The following ADRA1A variants were observed in gnomAD, a reference collection of about 807,000 sequenced individuals.
ADRA1A encodes alpha-1A adrenergic receptor.
ADRA1A carries 31 observed loss-of-function variants against 29.6 expected under a neutral mutation model. The ratio of observed to expected loss-of-function variants is 1.05; its 90% CI spans 0.79 to 1.41. ADRA1A has a LOEUF of 1.41. Ranked by LOEUF, ADRA1A falls within the 40% of genes most tolerant of loss-of-function variation. The pLI is 0.00. For synonymous variants in ADRA1A, 311 were observed against 254.3 expected (o/e 1.22, Z -2.12); for missense variants, 619 against 601.1 (o/e 1.03, Z -0.31).
intron 2 of ADRA1A, chr8:26,835,677 A>G (rs950892373): frequency 1.3e-5 from 2 of 152,172 alleles, no homozygotes; most frequent in Admixed American, 6.5e-5. Context: ...GGGAACTACA[A>G]TTCAAGGTGA....
At chr8:26,771,673 C>G (rs1295135275) in intron 2 of ADRA1A, 1 of 152,388 alleles carries the variant, frequency 6.6e-6, no homozygotes, top group Non-Finnish European at 1.5e-5. Flanking sequence ...TTAGCCTTTT[C>G]CCAGCTGCCG....
At chr8:26,861,219 T>A (rs1249606450) in intron 2 of ADRA1A, among the ~76,000 whole-genome samples, 2 of 152,088 alleles carry the variant, frequency 1.3e-5, no homozygotes, top group Admixed American at 1.3e-4. Flanking sequence ...ATTCTCCTGA[T>A]TTTTCTTCTC....
intron 2 of ADRA1A, among the ~76,000 whole-genome samples, chr8:26,785,272 T>A (rs1310394537): frequency 6.6e-6 from 1 of 152,236 alleles, no homozygotes; most frequent in African/African-American, 2.4e-5. Flanking sequence ...CTAGTCTATA[T>A]GTATTTCAAT....
At chr8:26,785,308 A>G (rs1807292629) in intron 2 of ADRA1A, among the ~76,000 whole-genome samples, 2 of 152,186 alleles carry the variant, frequency 1.3e-5, no homozygotes, top group Admixed American at 1.3e-4. Context: ...TCCATTTAGC[A>G]TTCATTACAC....
At chr8:26,822,019 T>C (rs1810207468) in intron 2 of ADRA1A, among the ~76,000 whole-genome samples, 1 of 152,220 alleles carries the variant, frequency 6.6e-6, no homozygotes, top group African/African-American at 2.4e-5. Context: ...GTTTCCAGTT[T>C]GGGGCTATTA....
At chr8:26,765,804 C>T, downstream of ADRA1A, 2 of 1,320,518 alleles carry the variant, frequency 1.5e-6, no homozygotes, top group East Asian at 3.1e-5. Context: ...CAGACCAGCC[C>T]CAGAAGCAAT....
At chr8:26,827,783 C>T (rs1314420343) in intron 2 of ADRA1A, among the ~76,000 whole-genome samples, 1 of 152,166 alleles carries the variant, frequency 6.6e-6, no homozygotes, top group Non-Finnish European at 1.5e-5. Flanking sequence ...CTTCCTAGTA[C>T]TATTACATTG....
At chr8:26,842,639 T>A (rs1031555382) in intron 2 of ADRA1A, among the ~76,000 whole-genome samples, 1 of 152,094 alleles carries the variant, frequency 6.6e-6, no homozygotes, top group African/African-American at 2.4e-5. Context: ...GCAGACCGGA[T>A]CTTATTCTAA....
intron 2 of ADRA1A, chr8:26,859,239 T>C: frequency 8.2e-7 from 1 of 1,216,114 alleles, no homozygotes; most frequent in Non-Finnish European, 1.1e-6. Flanking sequence ...ATATTTATTC[T>C]TCTGCTCACA....
intron 2 of ADRA1A, among the ~76,000 whole-genome samples, chr8:26,808,902 A>T (rs754994498): frequency 4.6e-5 from 7 of 152,238 alleles, no homozygotes; most frequent in Non-Finnish European, 8.8e-5. Context: ...GGTAGGAAAC[A>T]TCTCACAACT....
At chr8:26,748,211 T>C (rs1252083666) in exon 3 of ADRA1A, 2 of 152,274 alleles carry the variant, frequency 1.3e-5, no homozygotes, top group Non-Finnish European at 2.9e-5. Flanking sequence ...GAAGAATGTG[T>C]AGTCCAGTGG....
In ADRA1A at chr8:26,775,034, G is replaced by T. The variant is rs1394370685; in HGVS notation, c.884-4368C>A. The stretch of plus-strand genomic sequence containing the variant: ...GTCAGGGCTGAACCAGCCTGGTTCA[G>T]GGGTGGGTGCCTCTGACCCAGTCAC... On this transcript the variant is annotated intron_variant, in intron 2 of 2. Transcript: ENST00000380573. This position sits in a 1 kb window ranked among gnomAD's most constrained non-coding sequence, Gnocchi z 4.1. Among the ~76,000 whole-genome samples, 4 of 151,294 alleles carry T rather than the reference G, an allele frequency of 2.6e-5. No homozygotes were observed. Among genetic ancestry groups the T allele is most frequent in the Non-Finnish European group, 5.9e-5 (4 of 67,974 alleles).
Position 26,848,719 on chromosome 8 carries a change from G to T in ADRA1A, c.883+15368C>A, listed in dbSNP as rs1200506059. Among the ~76,000 whole-genome samples, 6 of 152,090 alleles carry T rather than the reference G, an allele frequency of 3.9e-5. No individual in the cohort carries two copies. The highest frequency in any genetic ancestry group is 1.4e-4 in the African/African-American group (6 of 41,414). On this transcript the variant is annotated intron_variant, in intron 2 of 2. Transcript: ENST00000380573. This position sits in a 1 kb window ranked among gnomAD's most constrained non-coding sequence, Gnocchi z 4.3. Reference sequence around the variant, plus strand: ...AATGGTTTCACTTCTTCTTTCCTAGGAAAAGAGTCATTAAACTCTACACGT... The same window carrying T: ...AATGGTTTCACTTCTTCTTTCCTAGTAAAAGAGTCATTAAACTCTACACGT...
rs867163153 is a variant in ADRA1A at position 26,860,262 on chromosome 8, A to C, written c.883+3825T>G. Among the ~76,000 whole-genome samples, 1 of 152,080 alleles carries C rather than the reference A, an allele frequency of 6.6e-6. No individual in the cohort carries two copies. The highest frequency in any genetic ancestry group is 2.4e-5 in the African/African-American group (1 of 41,400). ...AGGCCATTGTTTCTCATCTCTATGC[A>C]TAGCTCAGCCACCACTGCAAGCTCC... On this transcript the variant is annotated intron_variant, in intron 2 of 2. Coordinates refer to ENST00000380573, the MANE Select transcript of ADRA1A (RefSeq NM_000680.4). The surrounding 1 kb of genome is among the most constrained non-coding windows in gnomAD (Gnocchi z 4.7).
At chr8:26,859,750 C>T (rs1262190247) in intron 2 of ADRA1A, among the ~76,000 whole-genome samples, 2 of 151,468 alleles carry the variant, frequency 1.3e-5, no homozygotes, top group Non-Finnish European at 2.9e-5. Flanking sequence ...TTCCCTACTT[C>T]CCTCCTGTCA....
chr8:26,766,542 A>G (rs1442914803), downstream of ADRA1A, among the ~76,000 whole-genome samples: 2 of 152,202 alleles, frequency 1.3e-5, no homozygotes, highest in African/African-American at 2.4e-5. Context: ...CATGTTTGCC[A>G]TGGTTAATTT....
At chr8:26,861,602 C>A (rs1312362192) in intron 2 of ADRA1A, among the ~76,000 whole-genome samples, 1 of 152,126 alleles carries the variant, frequency 6.6e-6, no homozygotes, top group Non-Finnish European at 1.5e-5. Flanking sequence ...GTATAACTCC[C>A]TACTTGCCAT....
Position 26,864,522 on chromosome 8 carries a change from C to G in ADRA1A, c.448G>C (p.Val150Leu). The G allele has an allele frequency of 6.2e-7, 1 of 1,614,032 alleles. No individual in the cohort carries two copies. Among genetic ancestry groups the G allele is most frequent in the Non-Finnish European group, 8.5e-7 (1 of 1,180,030 alleles). The change falls in exon 2 of 3, where the codon GTC (valine) becomes CTC (leucine). Residue 150 changes from valine to leucine, a missense_variant. Coordinates refer to ENST00000380573, the MANE Select transcript of ADRA1A (RefSeq NM_000680.4). This position sits in a 1 kb window ranked among gnomAD's most constrained non-coding sequence, Gnocchi z 8.1. ...GATATGACCAGGGAGAGTGCCCAGA[C>G]GCAGAGCAGAGCCATGAGACCCCTC... Reference protein sequence around the residue: ...QRRGLMALLCVWALSLVISIG... With the variant: ...QRRGLMALLCLWALSLVISIG...
intron 2 of ADRA1A, among the ~76,000 whole-genome samples, chr8:26,857,021 A>T (rs1234414484): frequency 6.6e-6 from 1 of 152,206 alleles, no homozygotes; most frequent in Non-Finnish European, 1.5e-5. Flanking sequence ...CTCTCCCATC[A>T]AGAGATGAGT....
Sources: allele counts gnomAD v4.1 joint callset (sites outside exome capture counted in the v4.1 genomes callset), GRCh38; gene constraint gnomAD v4.1.1; non-coding constraint Gnocchi (gnomAD v3.1); transcripts MANE v1.5; gene names NCBI Gene and HGNC (gene_info 2026-07-23, HGNC 2026-07-21).